Variants in PRR5 observed in about 807,000 individuals in gnomAD.
PRR5 encodes the protein proline-rich protein 5.
A neutral mutation model predicts 30.6 loss-of-function variants in PRR5; 25 were observed. The ratio of observed to expected loss-of-function variants is 0.82; its 90% CI spans 0.60 to 1.14. The LOEUF (loss-of-function observed/expected upper bound fraction) is 1.14. Ranked by LOEUF, PRR5 falls within the 50% of genes most tolerant of loss-of-function variation. PRR5 has a pLI of 0.00. For missense variants in PRR5, 600 were observed against 547.1 expected, an observed-to-expected ratio of 1.10 and a Z score of -0.96; for synonymous variants, 286 against 247.1, an observed-to-expected ratio of 1.16 and a Z score of -1.48.
chr22:44,688,117 C>T lies in PRR5; in HGVS notation c.-11+10877C>T, dbSNP rs943022315. On this transcript the variant is annotated intron_variant, in intron 1 of 8. Transcript: ENST00000006251. Reference sequence around the variant, plus strand: ...ACATTTTCCTAGCCGGGTGCAGTGGCTCACACCTGTAATACCAACACTTTG... The same window carrying T: ...ACATTTTCCTAGCCGGGTGCAGTGGTTCACACCTGTAATACCAACACTTTG... Among the ~76,000 whole-genome samples, 131 of 146,290 alleles carry T rather than the reference C, an allele frequency of 9.0e-4. 1 individual carries two copies. Among genetic ancestry groups the T allele is most frequent in the African/African-American group, 3.0e-3 (123 of 40,434 alleles).
At chr22:44,675,198 C>T (rs1479133219), upstream of PRR5, among the ~76,000 whole-genome samples, 4 of 151,332 alleles carry the variant, frequency 2.6e-5, no homozygotes, top group African/African-American at 2.4e-5. Context: ...TGCCGTGAGC[C>T]GAGATCTCGT....
chr22:44,715,347 G>A (rs553112524), intron 2 of PRR5, among the ~76,000 whole-genome samples: 6 of 152,160 alleles, frequency 3.9e-5, no homozygotes, highest in African/African-American at 1.2e-4. Context: ...CTGTTACCTT[G>A]TCCCTGTGTC....
At position 44,696,635 on chromosome 22, in the gene PRR5, CTCAGCTGG is replaced by C. The variant is rs1290958218; in HGVS notation, c.-10-5853_-10-5846del. 7.2e-5 allele frequency among the ~76,000 whole-genome samples: 11 copies of C among 152,282 alleles called. No individual in the cohort carries two copies. The South Asian group carries it at 2.3e-3, about 32-fold the overall frequency. ...AAGGGCTCAGATGGAGTCCTGGTAG[CTCAGCTGG>C]TCAAGAGAAGACTTAAAGGAAGCGG... On this transcript the variant is annotated intron_variant, in intron 1 of 8. Transcript: ENST00000006251.
At chr22:44,720,720 G>A (rs1162078148) in intron 2 of PRR5, among the ~76,000 whole-genome samples, 7 of 152,338 alleles carry the variant, frequency 4.6e-5, no homozygotes, top group African/African-American at 1.7e-4. Flanking sequence ...CCGTGTCTGT[G>A]CTCTCATTGG....
intron 2 of PRR5, among the ~76,000 whole-genome samples, chr22:44,717,266 A>G (rs1929211503): frequency 7.2e-6 from 1 of 139,596 alleles, no homozygotes; most frequent in South Asian, 2.2e-4. Flanking sequence ...ATCTCAGCTC[A>G]CTGCGACCTC....
At chr22:44,690,028 G>A (rs977946317) in intron 1 of PRR5, among the ~76,000 whole-genome samples, 2 of 152,198 alleles carry the variant, frequency 1.3e-5, no homozygotes, top group Non-Finnish European at 2.9e-5. Context: ...AGAGGGAGGG[G>A]GCAGCACGGG....
intron 1 of PRR5, among the ~76,000 whole-genome samples, chr22:44,684,371 T>C (rs1177694248): frequency 6.6e-6 from 1 of 152,164 alleles, no homozygotes; most frequent in Non-Finnish European, 1.5e-5. Context: ...GGTGAAACCC[T>C]GTCTCTACCA....
chr22:44,730,100 G>T, intron 4 of PRR5: 2 of 985,432 alleles, frequency 2.0e-6, no homozygotes, highest in Non-Finnish European at 2.4e-6. Context: ...AGCCCCCAGG[G>T]CTGCCCCTGG....
chr22:44,701,861 G>A (rs1196087665), upstream of PRR5, among the ~76,000 whole-genome samples: 3 of 152,186 alleles, frequency 2.0e-5, no homozygotes, highest in Non-Finnish European at 4.4e-5. Flanking sequence ...GAGGAGGGCT[G>A]TGGAGGGAGA....
chr22:44,712,383 G>T (rs1008529559), intron 1 of PRR5, among the ~76,000 whole-genome samples: 9 of 152,210 alleles, frequency 5.9e-5, no homozygotes, highest in Admixed American at 5.2e-4. Flanking sequence ...CCCCCATGCT[G>T]CTCAGAGCCT....
chr22:44,731,183 C>T (rs1921891132), intron 4 of PRR5: 2 of 270,170 alleles, frequency 7.4e-6, no homozygotes, highest in Admixed American at 4.9e-5. Flanking sequence ...CCAGGCATAC[C>T]TGCGTGGGTC....
upstream of PRR5, among the ~76,000 whole-genome samples, chr22:44,701,357 A>G (rs1027216433): frequency 1.3e-5 from 2 of 152,226 alleles, no homozygotes; most frequent in African/African-American, 2.4e-5. Context: ...TTGATTGCAC[A>G]ATGTTGGCAC....
chr22:44,725,659 T>TTTGTTG (rs3053190), intron 3 of PRR5, among the ~76,000 whole-genome samples: 185 of 151,370 alleles, frequency 1.2e-3, no homozygotes, highest in African/African-American at 4.2e-3. Flanking sequence ...TGTCTTTTGT[T>TTTGTTG]TTGTTGTTGT....
At chr22:44,709,851 C>CAA (rs200075950) in intron 1 of PRR5, among the ~76,000 whole-genome samples, 1 of 152,086 alleles carries the variant, frequency 6.6e-6, no homozygotes. Context: ...GACTCCATCT[C>CAA]AAAAAAACAA....
At chr22:44,674,977 G>T (rs904921529), upstream of PRR5, among the ~76,000 whole-genome samples, 41 of 146,990 alleles carry the variant, frequency 2.8e-4, no homozygotes, top group African/African-American at 1.0e-3. Context: ...GGCTGGGCGC[G>T]GTGGCTCACG....
intron 1 of PRR5, among the ~76,000 whole-genome samples, chr22:44,712,254 A>G (rs1213970682): frequency 6.6e-6 from 1 of 152,184 alleles, no homozygotes; most frequent in Non-Finnish European, 1.5e-5. Context: ...CAGGCCAGGG[A>G]TACGTATCTG....
chr22:44,729,561 C>T (rs1013772275), intron 4 of PRR5: 29 of 985,248 alleles, frequency 2.9e-5, no homozygotes, highest in Middle Eastern at 1.0e-3. Context: ...CACGTGGGGA[C>T]GTGTATCACG....
At chr22:44,689,198 C>G (rs564618139) in intron 1 of PRR5, among the ~76,000 whole-genome samples, 4 of 152,152 alleles carry the variant, frequency 2.6e-5, no homozygotes, top group South Asian at 2.1e-4. Context: ...AATAATAACC[C>G]TCCCATTTAT....
chr22:44,669,655 A>G (rs1569056166), intron 1 of PRR5, among the ~76,000 whole-genome samples: 1 of 152,144 alleles, frequency 6.6e-6, no homozygotes, highest in African/African-American at 2.4e-5. Context: ...AGGCTGGGGG[A>G]GGGTCCCATG....
Sources: gnomAD v4.1 joint callset for allele counts (sites outside exome capture counted in the v4.1 genomes callset) on GRCh38, gnomAD v4.1.1 for gene constraint, MANE v1.5 for transcripts, NCBI Gene and HGNC (gene_info 2026-07-23, HGNC 2026-07-21) for gene names.